The following CSNK1G3 variants were observed in gnomAD, a reference collection of about 807,000 sequenced individuals.
CSNK1G3 encodes the protein casein kinase 1 gamma 3, also known as casein kinase I isoform gamma-3.
CSNK1G3 carries 23 observed loss-of-function variants against 64.3 expected under a neutral mutation model. The observed-to-expected ratio is 0.36, with a 90% confidence interval of 0.26 to 0.51. CSNK1G3 has a LOEUF of 0.51. Among genes scored for constraint, CSNK1G3 ranks in the 20% least tolerant of loss-of-function variants. CSNK1G3 has a pLI of 0.96. For synonymous variants in CSNK1G3, 158 were observed against 162.2 expected, an observed-to-expected ratio of 0.97 and a Z score of 0.20; for missense variants, 357 against 510.5, an observed-to-expected ratio of 0.70 and a Z score of 2.90.
At chr5:123,570,485 C>T (rs921397004) in intron 4 of CSNK1G3, among the ~76,000 whole-genome samples, 2 of 151,776 alleles carry the variant, frequency 1.3e-5, no homozygotes, top group Non-Finnish European at 2.9e-5. Context: ...TCCCAAGTAG[C>T]TGGCATTACA....
At chr5:123,615,842 G>C (rs1014455904) in exon 13 of CSNK1G3, 1 of 152,148 alleles carries the variant, frequency 6.6e-6, no homozygotes, top group Non-Finnish European at 1.5e-5. Context: ...CTTTAAGTGT[G>C]TGCCTCCAGG....
At chr5:123,552,529 A>G (rs1297927293) in intron 2 of CSNK1G3, among the ~76,000 whole-genome samples, 3 of 152,192 alleles carry the variant, frequency 2.0e-5, no homozygotes, top group Non-Finnish European at 4.4e-5. Flanking sequence ...AACTCAAGAT[A>G]TTTGGAATTA....
At chr5:123,604,894 A>G in intron 11 of CSNK1G3, 64 bp downstream of exon 12, 6 of 1,227,432 alleles carry the variant, frequency 4.9e-6, no homozygotes, top group Non-Finnish European at 7.0e-6. Flanking sequence ...CTTGAGATTT[A>G]TAGTTACATA....
intron 3 of CSNK1G3, among the ~76,000 whole-genome samples, chr5:123,556,246 T>C (rs1784602539): frequency 6.6e-6 from 1 of 152,142 alleles, no homozygotes; most frequent in South Asian, 2.1e-4. Flanking sequence ...AGTTTCATTA[T>C]GATGTGTTGG....
Position 123,594,786 on chromosome 5 carries a change from AT to A in CSNK1G3, c.1086+3375del, listed in dbSNP as rs1205141309. ...ATAAAGCTAGAGGGTAGAGTCTGTG[AT>A]TTCTAAAGTATTTTTACTTCTAAAA... is the stretch of plus-strand genomic sequence containing the variant. On this transcript the variant is annotated intron_variant, in intron 10 of 12. Transcript: ENST00000345990. Among the ~76,000 whole-genome samples, 5 of 152,050 alleles carry A rather than the reference AT, an allele frequency of 3.3e-5. No individual in the cohort carries two copies. The East Asian group carries it at 7.7e-4, about 24-fold the overall frequency.
intron 3 of CSNK1G3, among the ~76,000 whole-genome samples, chr5:123,554,960 G>T (rs1784360275): frequency 6.6e-6 from 1 of 152,108 alleles, no homozygotes; most frequent in South Asian, 2.1e-4. Context: ...TATAGATTTG[G>T]AACTTGTTCA....
intron 4 of CSNK1G3, among the ~76,000 whole-genome samples, chr5:123,568,166 C>T (rs1787307087): frequency 6.6e-6 from 1 of 152,158 alleles, no homozygotes; most frequent in Non-Finnish European, 1.5e-5. Context: ...TGATCAATGC[C>T]AGCTGCAGGC....
chr5:123,592,383 G>A (rs1399065980), intron 10 of CSNK1G3, among the ~76,000 whole-genome samples: 1 of 151,970 alleles, frequency 6.6e-6, no homozygotes, highest in South Asian at 2.1e-4. Context: ...CAAGTAGCGA[G>A]TTCATGTTTC....
At chr5:123,569,582 A>G (rs1485181261) in intron 4 of CSNK1G3, among the ~76,000 whole-genome samples, 1 of 152,162 alleles carries the variant, frequency 6.6e-6, no homozygotes, top group East Asian at 1.9e-4. Flanking sequence ...TATCACCACA[A>G]TTTCATCAGA....
At chr5:123,578,449 A>C (rs1447663412) in intron 6 of CSNK1G3, among the ~76,000 whole-genome samples, 1 of 151,850 alleles carries the variant, frequency 6.6e-6, no homozygotes, top group African/African-American at 2.4e-5. Flanking sequence ...TCTTCTTTTG[A>C]AAAGTGTGTG....
intron 10 of CSNK1G3, among the ~76,000 whole-genome samples, chr5:123,598,951 G>A (rs1793940773): frequency 1.3e-5 from 2 of 152,230 alleles, no homozygotes; most frequent in South Asian, 2.1e-4. Context: ...GAGTTTAGTT[G>A]GGTATGGGGC....
chr5:123,524,632 T>TC (rs139487957), intron 1 of CSNK1G3, among the ~76,000 whole-genome samples: 1,748 of 152,212 alleles, frequency 0.011, 15 homozygotes, highest in Non-Finnish European at 0.019. Flanking sequence ...CTTTTCCTCT[T>TC]CCTCCTCCTC....
chr5:123,588,266 C>A, intron 7 of CSNK1G3, 113 bp downstream of exon 7: 1 of 1,043,378 alleles, frequency 9.6e-7, no homozygotes, highest in Non-Finnish European at 1.5e-6. Flanking sequence ...AAGTAGGCAT[C>A]AGGGCTCCCT....
intron 12 of CSNK1G3, among the ~76,000 whole-genome samples, chr5:123,612,146 A>T (rs762423129): frequency 3.9e-5 from 6 of 152,166 alleles, no homozygotes; most frequent in Non-Finnish European, 8.8e-5. Context: ...TCATCATTAC[A>T]TATATTTCTA....
At chr5:123,559,448 TA>T (rs1243757085) in intron 4 of CSNK1G3, among the ~76,000 whole-genome samples, 1 of 152,198 alleles carries the variant, frequency 6.6e-6, no homozygotes, top group Non-Finnish European at 1.5e-5. Context: ...ATAGTAAGAA[TA>T]AAAATGAAAC....
chr5:123,567,814 G>C (rs1581172705), intron 4 of CSNK1G3, among the ~76,000 whole-genome samples: 2 of 152,268 alleles, frequency 1.3e-5, no homozygotes, highest in South Asian at 4.1e-4. Context: ...AAATCATTAT[G>C]ACTGGTCTCA....
intron 1 of CSNK1G3, among the ~76,000 whole-genome samples, chr5:123,542,425 C>T (rs973272165): frequency 6.6e-6 from 1 of 152,018 alleles, no homozygotes; most frequent in Admixed American, 6.6e-5. Flanking sequence ...CATGCATTTC[C>T]TAGTTTCATT....
At chr5:123,545,692 A>G in exon 2 of CSNK1G3, 1 of 1,613,264 alleles carries the variant, frequency 6.2e-7, no homozygotes, top group Non-Finnish European at 8.5e-7. Context: ...GACAAGGACA[A>G]ATCAGATGAT....
chr5:123,610,555 G>A (rs1223036300), intron 12 of CSNK1G3, among the ~76,000 whole-genome samples: 1 of 152,124 alleles, frequency 6.6e-6, no homozygotes, highest in East Asian at 1.9e-4. Flanking sequence ...AAGGAGAAAT[G>A]GTGGTGCGGT....
Sources: gnomAD v4.1 joint callset for allele counts (sites outside exome capture counted in the v4.1 genomes callset) on GRCh38, gnomAD v4.1.1 for gene constraint, MANE v1.5 for transcripts, NCBI Gene and HGNC (gene_info 2026-07-23, HGNC 2026-07-21) for gene names.